The following ZNF385D variants were observed in gnomAD, a reference collection of about 807,000 sequenced individuals.
ZNF385D encodes zinc finger protein 385D.
In ZNF385D, 15 loss-of-function variants were observed where a neutral mutation model predicts 35.8. That is an observed-to-expected ratio of 0.42 (90% CI 0.28 to 0.64). The LOEUF is 0.64. ZNF385D is among the 30% of genes least tolerant of loss of function. The probability of loss-of-function intolerance (pLI) is 0.23; values close to 1 mark genes in which losing one functional copy is unlikely to be tolerated. For missense variants in ZNF385D, 474 were observed against 494.6 expected (o/e 0.96, Z 0.39); for synonymous variants, 212 against 186.8 (o/e 1.13, Z -1.10).
At chr3:21,610,614 C>CA (rs546208715) in intron 2 of ZNF385D, among the ~76,000 whole-genome samples, 1,533 of 145,716 alleles carry the variant, frequency 0.011, 29 homozygotes, top group African/African-American at 0.036. Context: ...ACTAAACATA[C>CA]AAAAAAAAAA....
chr3:21,799,322 A>C (rs1262806624), intron 3 of ZNF385D, among the ~76,000 whole-genome samples: 2 of 152,166 alleles, frequency 1.3e-5, no homozygotes, highest in African/African-American at 4.8e-5. Context: ...GGAATTGCCA[A>C]GTCATATGGT....
intron 2 of ZNF385D, among the ~76,000 whole-genome samples, chr3:22,344,449 A>T (rs1360686919): frequency 6.6e-6 from 1 of 152,038 alleles, no homozygotes; most frequent in Admixed American, 6.6e-5. Context: ...GAGTGCAGTG[A>T]TGTGATCACA....
chr3:22,120,672 AC>A (rs1368496896), intron 3 of ZNF385D, among the ~76,000 whole-genome samples: 1 of 152,160 alleles, frequency 6.6e-6, no homozygotes, highest in African/African-American at 2.4e-5. Context: ...GAACGTATTC[AC>A]CTAAATTTAG....
intron 2 of ZNF385D, among the ~76,000 whole-genome samples, chr3:22,231,262 A>G (rs1015265410): frequency 6.6e-6 from 1 of 152,188 alleles, no homozygotes; most frequent in African/African-American, 2.4e-5. Context: ...GCCCACACCA[A>G]GGGCCACTGA....
intron 3 of ZNF385D, among the ~76,000 whole-genome samples, chr3:21,562,835 T>G (rs1010419281): frequency 3.2e-5 from 1 of 31,526 alleles, no homozygotes; most frequent in Non-Finnish European, 7.2e-5. Context: ...AGGACTCTTT[T>G]TTAACAACAG....
intron 3 of ZNF385D, among the ~76,000 whole-genome samples, chr3:22,137,091 T>G (rs1405886089): frequency 6.6e-6 from 1 of 152,206 alleles, no homozygotes; most frequent in Non-Finnish European, 1.5e-5. Context: ...TAGTTAATAA[T>G]GTACTATTAC....
intron 3 of ZNF385D, among the ~76,000 whole-genome samples, chr3:21,791,656 C>G (rs1028711017): frequency 2.6e-5 from 4 of 152,140 alleles, no homozygotes; most frequent in African/African-American, 9.7e-5. Context: ...CATTATGAAT[C>G]AAAATGAAAA....
intron 2 of ZNF385D, among the ~76,000 whole-genome samples, chr3:22,350,303 T>C (rs1695858142): frequency 6.6e-6 from 1 of 152,192 alleles, no homozygotes; most frequent in South Asian, 2.1e-4. Context: ...AAGGAAAAGA[T>C]GTATGGTTGA....
chr3:21,764,557 A>C (rs2070748680), intron 3 of ZNF385D, among the ~76,000 whole-genome samples: 1 of 152,218 alleles, frequency 6.6e-6, no homozygotes, highest in Non-Finnish European at 1.5e-5. Context: ...AGCAAGCAAG[A>C]ACGAAAAAGA....
chr3:21,872,980 G>A (rs1208589978), intron 3 of ZNF385D, among the ~76,000 whole-genome samples: 1 of 152,056 alleles, frequency 6.6e-6, no homozygotes, highest in Non-Finnish European at 1.5e-5. Context: ...ACTATTTCGT[G>A]CCAGTCGATT....
At chr3:22,238,552 G>A (rs1443513537) in intron 2 of ZNF385D, among the ~76,000 whole-genome samples, 3 of 150,398 alleles carry the variant, frequency 2.0e-5, no homozygotes, top group African/African-American at 7.4e-5. Flanking sequence ...ATTATTCTTT[G>A]ATGTTATCAT....
intron 3 of ZNF385D, among the ~76,000 whole-genome samples, chr3:22,017,528 T>G (rs1696966576): frequency 6.6e-6 from 1 of 152,020 alleles, no homozygotes; most frequent in African/African-American, 2.4e-5. Flanking sequence ...ATATTTATTC[T>G]GAGTTAGATT....
At chr3:22,299,563 A>G (rs1419829150) in intron 2 of ZNF385D, among the ~76,000 whole-genome samples, 2 of 151,904 alleles carry the variant, frequency 1.3e-5, no homozygotes, top group African/African-American at 4.8e-5. Context: ...TGATCTTACA[A>G]ATAGAAAACC....
intron 1 of ZNF385D, among the ~76,000 whole-genome samples, chr3:21,704,968 T>C (rs1405524987): frequency 6.6e-6 from 1 of 152,156 alleles, no homozygotes; most frequent in African/African-American, 2.4e-5. Flanking sequence ...GGCTTGGTGG[T>C]AACCATGGTA....
At chr3:22,364,761 T>C (rs1283599610) in intron 2 of ZNF385D, among the ~76,000 whole-genome samples, 1 of 152,088 alleles carries the variant, frequency 6.6e-6, no homozygotes, top group Non-Finnish European at 1.5e-5. Context: ...GGATTGAAAG[T>C]AGAGTCTTAA....
chr3:22,248,047 C>CA (rs1191789243), intron 2 of ZNF385D, among the ~76,000 whole-genome samples: 1 of 152,124 alleles, frequency 6.6e-6, no homozygotes, highest in Non-Finnish European at 1.5e-5. Flanking sequence ...AAAACAATGA[C>CA]AACACTATCT....
intron 2 of ZNF385D, among the ~76,000 whole-genome samples, chr3:22,343,187 A>G (rs1254323258): frequency 6.6e-6 from 1 of 152,218 alleles, no homozygotes; most frequent in Non-Finnish European, 1.5e-5. Context: ...TTGTATTTGT[A>G]TTTGACAGCA....
intron 3 of ZNF385D, among the ~76,000 whole-genome samples, chr3:21,895,727 T>C (rs572800981): frequency 6.6e-6 from 1 of 151,892 alleles, no homozygotes; most frequent in Non-Finnish European, 1.5e-5. Flanking sequence ...GAGTGGGAAG[T>C]GAAACCAAGT....
chr3:21,893,462 G>A (rs1354851624), intron 3 of ZNF385D, among the ~76,000 whole-genome samples: 1 of 152,116 alleles, frequency 6.6e-6, no homozygotes, highest in African/African-American at 2.4e-5. Flanking sequence ...TAGCACATGA[G>A]ATATGCAAAG....
Sources: gnomAD v4.1 joint callset for allele counts (sites outside exome capture counted in the v4.1 genomes callset) on GRCh38, gnomAD v4.1.1 for gene constraint, MANE v1.5 for transcripts, NCBI Gene and HGNC (gene_info 2026-07-23, HGNC 2026-07-21) for gene names.